Variants in PLCE1 observed in about 807,000 individuals in gnomAD.
PLCE1 encodes 1-phosphatidylinositol 4,5-bisphosphate phosphodiesterase epsilon-1.
A neutral mutation model predicts 242.8 loss-of-function variants in PLCE1; 119 were observed. The observed-to-expected ratio is 0.49, with a 90% CI of 0.42 to 0.57. PLCE1 has a LOEUF of 0.57. Ranked by LOEUF, PLCE1 falls within the 20% of genes least tolerant of loss-of-function variation. PLCE1 has a pLI of 0.00. For missense variants in PLCE1, 2,441 were observed against 2,788.8 expected, an observed-to-expected ratio of 0.88 and a Z score of 2.81; for synonymous variants, 945 against 1,017.4, an observed-to-expected ratio of 0.93 and a Z score of 1.35.
At position 94,031,312 on chromosome 10, in the gene PLCE1, A is replaced by G; in HGVS notation, c.266A>G (p.Lys89Arg). Residue 89 changes from lysine (K) to arginine (R), a missense_variant, in exon 2 of 33, where the codon AAA (lysine) becomes AGA (arginine). Coordinates refer to ENST00000371380, the MANE Select transcript of PLCE1 (RefSeq NM_016341.4). ...KIVSDENSNE[K>R]CWEKIMPDSA... ...GTGAGTGATGAGAACAGTAATGAAA[A>G]ATGTTGGGAGAAAATCATGCCAGAT... The G allele has an allele frequency of 6.2e-7, 1 of 1,613,910 alleles. No homozygotes were observed. Among genetic ancestry groups the G allele is most frequent in the Non-Finnish European group, 8.5e-7 (1 of 1,179,884 alleles).
chr10:94,136,625 G>T (rs1245402370), intron 3 of PLCE1, among the ~76,000 whole-genome samples: 2 of 152,168 alleles, frequency 1.3e-5, no homozygotes, highest in Non-Finnish European at 2.9e-5. Flanking sequence ...GGTAACTCGA[G>T]GCTTGATTGT....
chr10:94,119,613 G>A (rs1463475305), intron 2 of PLCE1, among the ~76,000 whole-genome samples: 2 of 152,012 alleles, frequency 1.3e-5, no homozygotes, highest in African/African-American at 4.8e-5. Context: ...ACTGTCTTTA[G>A]GTTGTGTCTT....
intron 28 of PLCE1, chr10:94,315,391 C>A: frequency 2.2e-6 from 1 of 455,972 alleles, no homozygotes; most frequent in Non-Finnish European, 4.4e-6. Flanking sequence ...CTACTTCTCA[C>A]GGGAAGGCAA....
At chr10:94,241,138 G>C (rs1269704948) in intron 7 of PLCE1, among the ~76,000 whole-genome samples, 1 of 152,070 alleles carries the variant, frequency 6.6e-6, no homozygotes, top group Non-Finnish European at 1.5e-5. Flanking sequence ...TTACCATCTG[G>C]CATTAGTTCT....
intron 27 of PLCE1, among the ~76,000 whole-genome samples, chr10:94,309,432 G>C (rs2053312387): frequency 6.6e-6 from 1 of 152,076 alleles, no homozygotes; most frequent in Non-Finnish European, 1.5e-5. Flanking sequence ...CCTGGCTCAA[G>C]CAATTCTCCC....
At chr10:94,242,474 C>T (rs1178644262) in intron 7 of PLCE1, among the ~76,000 whole-genome samples, 1 of 152,052 alleles carries the variant, frequency 6.6e-6, no homozygotes, top group Non-Finnish European at 1.5e-5. Context: ...CCACGCCCAG[C>T]TAATTTTTGT....
At position 94,032,169 on chromosome 10, in the gene PLCE1, T is replaced by C; in HGVS notation, c.1123T>C (p.Cys375Arg). 1.2e-6 allele frequency: 2 copies of C among 1,610,570 alleles called. No individual in the cohort carries two copies. Among genetic ancestry groups the C allele is most frequent in the Non-Finnish European group, 1.7e-6 (2 of 1,179,046 alleles). Reference protein sequence around the residue: ...DQKRNGPLLPCGRVMEPPSTV... With the variant: ...DQKRNGPLLPRGRVMEPPSTV... ...GAAGAGAAATGGTCCCTTACTGCCT[T>C]GTGGGAGAGTAATGGAACCCCCGTC... is the stretch of plus-strand genomic sequence containing the variant. The change falls in exon 2 of 33, where the codon TGT becomes CGT. Residue 375 changes from cysteine to arginine, a missense_variant. Cys to Arg is a radical substitution (Grantham distance 180, BLOSUM62 -3). This residue lies in a region of PLCE1 where 733 missense variants were observed against 754.2 expected (regional missense o/e 0.97). Transcript: ENST00000371380.
In PLCE1 at chr10:94,089,340, G is replaced by A. The variant is rs41291124; in HGVS notation, c.1207-42834G>A. The A allele has an allele frequency of 7.8e-3, 12,509 of 1,611,550 alleles. 75 individuals are homozygous for A. The highest frequency in any genetic ancestry group is 0.03 in the Middle Eastern group (182 of 6,042). On this transcript the variant is annotated intron_variant, in intron 2 of 32. Transcript: ENST00000371380. ...AGGTACCCAATTTTACCTTGTTAAA[G>A]GATGGATGTGGATGCTGGAGGCTTA... is the stretch of plus-strand genomic sequence containing the variant.
chr10:94,209,336 T>A (rs927068807), intron 4 of PLCE1, among the ~76,000 whole-genome samples: 1 of 152,244 alleles, frequency 6.6e-6, no homozygotes, highest in Non-Finnish European at 1.5e-5. Context: ...TAATACTTGA[T>A]GAAAACATTT....
chr10:94,303,276 G>T (rs2053097914), intron 24 of PLCE1, among the ~76,000 whole-genome samples: 1 of 151,678 alleles, frequency 6.6e-6, no homozygotes, highest in Non-Finnish European at 1.5e-5. Flanking sequence ...GAATCTATCA[G>T]AGGGAGTATT....
chr10:94,091,019 C>T (rs1198628858), intron 2 of PLCE1, among the ~76,000 whole-genome samples: 1 of 152,022 alleles, frequency 6.6e-6, no homozygotes, highest in African/African-American at 2.4e-5. Flanking sequence ...AATGCTTTTC[C>T]TCAAATGTTT....
At chr10:94,093,485 A>G (rs1590000145) in intron 2 of PLCE1, among the ~76,000 whole-genome samples, 1 of 152,358 alleles carries the variant, frequency 6.6e-6, no homozygotes, top group Non-Finnish European at 1.5e-5. Context: ...TCATCATACA[A>G]TGTTACTTCA....
intron 4 of PLCE1, 42 bp downstream of exon 4, chr10:94,171,538 G>A (rs559265428): frequency 7.4e-5 from 110 of 1,494,706 alleles, no homozygotes; most frequent in Middle Eastern, 3.4e-4. Context: ...TGACTCACCC[G>A]TAAGTGATTT....
At chr10:94,215,015 C>G (rs2049472150) in intron 4 of PLCE1, among the ~76,000 whole-genome samples, 1 of 152,192 alleles carries the variant, frequency 6.6e-6, no homozygotes, top group South Asian at 2.1e-4. Context: ...CCACCACACT[C>G]TCACCCTCTG....
At chr10:94,275,387 T>G (rs955819500) in intron 19 of PLCE1, among the ~76,000 whole-genome samples, 1 of 152,224 alleles carries the variant, frequency 6.6e-6, no homozygotes, top group African/African-American at 2.4e-5. Context: ...TTCTTAAATT[T>G]GTGGATATTC....
intron 4 of PLCE1, among the ~76,000 whole-genome samples, chr10:94,188,496 G>A (rs539469770): frequency 3.0e-4 from 46 of 152,180 alleles, no homozygotes; most frequent in African/African-American, 8.4e-4. Context: ...CTTGGACTCC[G>A]GCCTATCCTT....
At chr10:94,014,339 C>G (rs1589855624) in intron 1 of PLCE1, among the ~76,000 whole-genome samples, 1 of 151,746 alleles carries the variant, frequency 6.6e-6, no homozygotes, top group South Asian at 2.1e-4. Context: ...TGGAGTGGCT[C>G]AAGCCTGTAA....
chr10:94,232,835 A>C (rs2050190360), intron 5 of PLCE1, among the ~76,000 whole-genome samples: 1 of 152,146 alleles, frequency 6.6e-6, no homozygotes, highest in African/African-American at 2.4e-5. Flanking sequence ...ATCTACTGGA[A>C]TCCTCTCTCC....
intron 4 of PLCE1, 61 bp downstream of exon 4, chr10:94,171,557 A>T: frequency 7.7e-7 from 1 of 1,292,812 alleles, no homozygotes; most frequent in South Asian, 1.2e-5. Flanking sequence ...TTTCAAGCAT[A>T]CCTCCCCTTC....
Sources: allele counts gnomAD v4.1 joint callset (sites outside exome capture counted in the v4.1 genomes callset), GRCh38; gene constraint gnomAD v4.1.1; regional missense constraint gnomAD v4.1.1; transcripts MANE v1.5; gene names NCBI Gene and HGNC (gene_info 2026-07-23, HGNC 2026-07-21).